The following ST18 variants were observed in gnomAD, a reference collection of about 807,000 sequenced individuals.
The protein encoded by ST18 is ST18 C2H2C-type zinc finger transcription factor.
In ST18, 50 loss-of-function variants were observed where a neutral mutation model predicts 110.0. That is an observed-to-expected ratio of 0.45 (90% CI 0.36 to 0.58). ST18 has a LOEUF of 0.58. Among genes scored for constraint, ST18 ranks in the 20% least tolerant of loss-of-function variants. ST18 has a pLI of 0.00. For synonymous variants in ST18, 461 were observed against 452.4 expected, an observed-to-expected ratio of 1.02 and a Z score of -0.24; for missense variants, 1,306 against 1,280.1, an observed-to-expected ratio of 1.02 and a Z score of -0.31.
At chr8:52,152,455 T>C (rs1322340572) in intron 15 of ST18, among the ~76,000 whole-genome samples, 1 of 152,190 alleles carries the variant, frequency 6.6e-6, no homozygotes, top group African/African-American at 2.4e-5. Flanking sequence ...GTTTAAGTAT[T>C]TCAATGTAAA....
chr8:52,330,067 T>C (rs1477512586), intron 2 of ST18, among the ~76,000 whole-genome samples: 4 of 152,194 alleles, frequency 2.6e-5, no homozygotes, highest in African/African-American at 9.6e-5. Context: ...TATTGAACCA[T>C]GGGCAAAAAA....
At position 52,161,756 on chromosome 8, in the gene ST18, G is replaced by C. The variant is rs527528563; in HGVS notation, c.1401-188C>G. ...CCGGACCCATAGGGCGAGATGGAAA[G>C]ATGCTCTGGGCTCTACATCACTACA... is the stretch of plus-strand genomic sequence containing the variant. On this transcript the variant is annotated intron_variant, in intron 13 of 25. Coordinates refer to ENST00000689386, the MANE Select transcript of ST18 (RefSeq NM_001352837.2). 1.4e-4 allele frequency among the ~76,000 whole-genome samples: 21 copies of C among 152,314 alleles called. No homozygotes were observed. The East Asian group carries it at 4.1e-3, about 29-fold the overall frequency.
At chr8:52,387,115 T>C (rs982388288) in intron 2 of ST18, among the ~76,000 whole-genome samples, 7 of 152,166 alleles carry the variant, frequency 4.6e-5, no homozygotes, top group Non-Finnish European at 1.0e-4. Flanking sequence ...CTTAGCTTTT[T>C]TCTTTCCTCT....
At chr8:52,175,566 C>T (rs2066602730) in intron 9 of ST18, among the ~76,000 whole-genome samples, 1 of 152,182 alleles carries the variant, frequency 6.6e-6, no homozygotes, top group Non-Finnish European at 1.5e-5. Context: ...ACTGGGTCCT[C>T]ATCTTCAAAA....
intron 8 of ST18, among the ~76,000 whole-genome samples, chr8:52,207,334 T>C (rs1473479802): frequency 2.0e-5 from 3 of 151,868 alleles, no homozygotes; most frequent in Non-Finnish European, 2.9e-5. Context: ...GTACAGAAAA[T>C]AAACAAAATT....
At position 52,332,574 on chromosome 8, in the gene ST18, C is replaced by T. The variant is rs540793988; in HGVS notation, c.-465+76754G>A. 6.9e-5 allele frequency among the ~76,000 whole-genome samples: 9 copies of T among 131,254 alleles called. No individual in the cohort carries two copies. In the East Asian group the frequency reaches 1.1e-3, roughly 17 times the overall value. The allele number at this position is 131,254 out of a possible 152,430, so 86.1% of individuals were successfully genotyped here. ...TTTTTTTTTTAACTAAAATGCAGGCCGGGCACGGTGGCTCAAGCCTGTAAT... is the reference window on the plus strand; with the variant it reads ...TTTTTTTTTTAACTAAAATGCAGGCTGGGCACGGTGGCTCAAGCCTGTAAT... On this transcript the variant is annotated intron_variant, in intron 2 of 25. Transcript: ENST00000689386.
intron 2 of ST18, among the ~76,000 whole-genome samples, chr8:52,385,032 A>G (rs1042317303): frequency 1.3e-5 from 2 of 152,238 alleles, no homozygotes; most frequent in Admixed American, 6.5e-5. Context: ...GTACTTTCAC[A>G]TAAGTTATTT....
chr8:52,331,488 G>C (rs1809385626), intron 2 of ST18, among the ~76,000 whole-genome samples: 1 of 151,970 alleles, frequency 6.6e-6, no homozygotes, highest in Non-Finnish European at 1.5e-5. Context: ...ACCAAGACTT[G>C]ACATACCCAG....
intron 2 of ST18, among the ~76,000 whole-genome samples, chr8:52,340,929 T>C (rs543613277): frequency 6.6e-6 from 1 of 152,384 alleles, no homozygotes; most frequent in Non-Finnish European, 1.5e-5. Flanking sequence ...AGAGTTTCTA[T>C]GCCTCTTTCC....
intron 23 of ST18, among the ~76,000 whole-genome samples, chr8:52,125,405 A>G (rs62500975): frequency 0.019 from 2,827 of 151,454 alleles, 99 homozygotes; most frequent in African/African-American, 0.064. Flanking sequence ...ACACACACAC[A>G]TACACACACA....
chr8:52,320,568 G>A (rs1803446853), intron 2 of ST18, among the ~76,000 whole-genome samples: 1 of 152,152 alleles, frequency 6.6e-6, no homozygotes, highest in Non-Finnish European at 1.5e-5. Flanking sequence ...TCTATTCACA[G>A]TCAACTTACT....
intron 3 of ST18, among the ~76,000 whole-genome samples, chr8:52,222,822 CA>C (rs1233783959): frequency 1.3e-5 from 2 of 152,120 alleles, no homozygotes; most frequent in Admixed American, 6.5e-5. Flanking sequence ...AAGGACTTAC[CA>C]AAATATTCAT....
At chr8:52,339,665 T>A (rs1242910329) in intron 2 of ST18, among the ~76,000 whole-genome samples, 1 of 152,238 alleles carries the variant, frequency 6.6e-6, no homozygotes, top group East Asian at 1.9e-4. Context: ...AGCTCACTCC[T>A]TCCGCACCAT....
chr8:52,387,900 C>T (rs1837488433), intron 2 of ST18, among the ~76,000 whole-genome samples: 1 of 152,120 alleles, frequency 6.6e-6, no homozygotes, highest in Non-Finnish European at 1.5e-5. Flanking sequence ...GTTTTGAGTT[C>T]ATTTAACCAA....
At chr8:52,132,443 C>A (rs1409009075) in intron 21 of ST18, among the ~76,000 whole-genome samples, 1 of 152,174 alleles carries the variant, frequency 6.6e-6, no homozygotes, top group African/African-American at 2.4e-5. Flanking sequence ...AGGTAACCTG[C>A]CGCCCATTTT....
chr8:52,342,094 G>A (rs1320787460), intron 2 of ST18, among the ~76,000 whole-genome samples: 3 of 152,168 alleles, frequency 2.0e-5, no homozygotes, highest in Non-Finnish European at 4.4e-5. Context: ...TAGCTTTTAA[G>A]TGTTCACACC....
intron 2 of ST18, among the ~76,000 whole-genome samples, chr8:52,370,386 G>A (rs541284126): frequency 3.4e-4 from 50 of 149,238 alleles, no homozygotes; most frequent in Admixed American, 9.9e-4. Flanking sequence ...GCATGCATGT[G>A]TGCGTGTGTG....
intron 13 of ST18, among the ~76,000 whole-genome samples, chr8:52,161,860 A>T (rs988065361): frequency 3.9e-5 from 6 of 152,240 alleles, no homozygotes; most frequent in African/African-American, 1.4e-4. Context: ...TTATGAAGAT[A>T]TCATGAGCAG....
chr8:52,306,067 G>A (rs566224856), intron 2 of ST18, among the ~76,000 whole-genome samples: 1 of 152,248 alleles, frequency 6.6e-6, no homozygotes, highest in East Asian at 1.9e-4. Context: ...ACATTGGCCT[G>A]GCCACACAGC....
Sources: allele counts gnomAD v4.1 joint callset (sites outside exome capture counted in the v4.1 genomes callset), GRCh38; gene constraint gnomAD v4.1.1; transcripts MANE v1.5; gene names NCBI Gene and HGNC (gene_info 2026-07-23, HGNC 2026-07-21).